Variants in CHST9 observed in about 807,000 individuals in gnomAD.
CHST9 encodes GalNAc-4-sulfotransferase 2.
In CHST9, 41 loss-of-function variants were observed where a neutral mutation model predicts 44.4. That is an observed-to-expected ratio of 0.92 (90% CI 0.72 to 1.20). The LOEUF (loss-of-function observed/expected upper bound fraction) is 1.20, where lower values mean the gene tolerates loss of function less well. Ranked by LOEUF, CHST9 falls within the 50% of genes most tolerant of loss-of-function variation. The probability of loss-of-function intolerance (pLI) is 0.00; values close to 1 mark genes in which losing one functional copy is unlikely to be tolerated. For missense variants in CHST9, 504 were observed against 516.5 expected, an observed-to-expected ratio of 0.98 and a Z score of 0.23; for synonymous variants, 171 against 178.4, an observed-to-expected ratio of 0.96 and a Z score of 0.33.
At chr18:27,028,176 A>T (rs2057302870) in intron 3 of CHST9, among the ~76,000 whole-genome samples, 1 of 152,054 alleles carries the variant, frequency 6.6e-6, no homozygotes, top group African/African-American at 2.4e-5. Flanking sequence ...AGCCTCCCAA[A>T]GTGCTGGGAT....
intron 1 of CHST9, among the ~76,000 whole-genome samples, chr18:27,172,583 T>C (rs1439894324): frequency 6.6e-6 from 1 of 152,058 alleles, no homozygotes; most frequent in African/African-American, 2.4e-5. Context: ...AAGTTTAAAC[T>C]GATTACTAAT....
intron 2 of CHST9, among the ~76,000 whole-genome samples, chr18:27,069,513 A>G (rs1214652447): frequency 1.3e-5 from 2 of 152,214 alleles, no homozygotes; most frequent in African/African-American, 4.8e-5. Flanking sequence ...TCTTCTTCCT[A>G]TACTCATATT....
chr18:27,093,859 C>T (rs1192389777), intron 2 of CHST9, among the ~76,000 whole-genome samples: 3 of 147,380 alleles, frequency 2.0e-5, no homozygotes, highest in African/African-American at 7.6e-5. Flanking sequence ...CATAGCTGTT[C>T]CTCTTCAGCC....
At chr18:27,046,779 C>A (rs1598668447) in intron 3 of CHST9, among the ~76,000 whole-genome samples, 1 of 152,028 alleles carries the variant, frequency 6.6e-6, no homozygotes, top group Non-Finnish European at 1.5e-5. Flanking sequence ...TTAGGAGCCC[C>A]CTAACATTCC....
At chr18:27,054,510 G>C (rs1374297972) in intron 2 of CHST9, among the ~76,000 whole-genome samples, 1 of 152,114 alleles carries the variant, frequency 6.6e-6, no homozygotes, top group Non-Finnish European at 1.5e-5. Flanking sequence ...GAACACTAAA[G>C]TTCCGCATCT....
At chr18:27,175,675 T>G (rs545980110) in intron 1 of CHST9, among the ~76,000 whole-genome samples, 4 of 152,172 alleles carry the variant, frequency 2.6e-5, no homozygotes, top group Non-Finnish European at 5.9e-5. Context: ...TGTTTGCATA[T>G]GGCACATGTG....
chr18:26,941,879 G>A (rs2145111816), intron 5 of CHST9, among the ~76,000 whole-genome samples: 1 of 152,296 alleles, frequency 6.6e-6, no homozygotes. Context: ...AGCACAGGCT[G>A]GATATTGGCC....
At chr18:26,975,761 A>T (rs1471049985) in intron 4 of CHST9, among the ~76,000 whole-genome samples, 1 of 98,986 alleles carries the variant, frequency 1.0e-5, no homozygotes, top group African/African-American at 4.0e-5. Flanking sequence ...ATATATATAT[A>T]TATAACATTT....
intron 2 of CHST9, among the ~76,000 whole-genome samples, chr18:27,060,209 A>G (rs2057705299): frequency 6.6e-6 from 1 of 152,180 alleles, no homozygotes; most frequent in Admixed American, 6.5e-5. Flanking sequence ...GTCAAGGTTC[A>G]GGGAGGGGCC....
In CHST9 at chr18:26,916,597, CT is replaced by C. The variant is rs755666392; in HGVS notation, c.993del (p.Glu332SerfsTer13). 6.2e-7 allele frequency: 1 copy of C among 1,613,842 alleles called. No individual in the cohort carries two copies. The highest frequency in any genetic ancestry group is 8.5e-7 in the Non-Finnish European group (1 of 1,179,790). ...GAATCCAGCAAGTAGTGGATAAACT[CT>C]TTGAACTTGACTCCAGATCCATTAA... ...ALINGSGVKF[K>X]EFIHYLLDSH... On this transcript the variant is annotated frameshift_variant, in exon 6 of 6. Transcript: ENST00000618847. LOFTEE classifies it high-confidence loss of function.
chr18:26,960,728 T>C (rs1349456737), intron 4 of CHST9, among the ~76,000 whole-genome samples: 1 of 152,194 alleles, frequency 6.6e-6, no homozygotes, highest in Non-Finnish European at 1.5e-5. Context: ...CAGGAGTTAG[T>C]GGTGCGATCA....
At chr18:27,183,581 T>G (rs1269369669) in intron 1 of CHST9, among the ~76,000 whole-genome samples, 1 of 152,154 alleles carries the variant, frequency 6.6e-6, no homozygotes, top group Non-Finnish European at 1.5e-5. Flanking sequence ...TCTGGGGGCA[T>G]TCAGTGTGTG....
intron 2 of CHST9, among the ~76,000 whole-genome samples, chr18:27,063,198 A>G (rs2057745430): frequency 1.3e-5 from 2 of 152,218 alleles, no homozygotes; most frequent in Non-Finnish European, 2.9e-5. Context: ...CTTGCCCAAG[A>G]TTACCCAGTA....
chr18:27,038,588 G>C (rs1384903082), intron 3 of CHST9, among the ~76,000 whole-genome samples: 1 of 152,072 alleles, frequency 6.6e-6, no homozygotes, highest in Non-Finnish European at 1.5e-5. Context: ...TGTCCACTAT[G>C]GTAGCTGCTG....
At chr18:27,084,471 T>C (rs1351589295) in intron 2 of CHST9, among the ~76,000 whole-genome samples, 1 of 150,928 alleles carries the variant, frequency 6.6e-6, no homozygotes, top group African/African-American at 2.4e-5. Context: ...TTTTTTTTTT[T>C]ATTTCTGTGG....
intron 4 of CHST9, among the ~76,000 whole-genome samples, chr18:26,995,520 C>T (rs370519550): frequency 6.3e-4 from 95 of 151,764 alleles, no homozygotes; most frequent in African/African-American, 2.1e-3. Context: ...GCTGGATTCC[C>T]GACCCACAGA....
chr18:27,118,410 T>C (rs79104879), intron 2 of CHST9, among the ~76,000 whole-genome samples: 2 of 58,806 alleles, frequency 3.4e-5, no homozygotes, highest in African/African-American at 1.1e-4. Context: ...AGCTTATCAA[T>C]TACTTCTCCC....
At chr18:26,993,648 A>C (rs2056850854) in intron 4 of CHST9, among the ~76,000 whole-genome samples, 5 of 152,254 alleles carry the variant, frequency 3.3e-5, no homozygotes, top group Admixed American at 3.3e-4. Context: ...TATTCGATTT[A>C]ATTGTTTTTA....
At position 26,907,896 on chromosome 18, in the gene CHST9, C is replaced by T. The variant is rs112362300; in HGVS notation, c.*8363G>A. The T allele has an allele frequency of 1.2e-3, 209 of 180,636 alleles. 5 individuals are homozygous for T. Among genetic ancestry groups the T allele is most frequent in the African/African-American group, 4.7e-3 (197 of 42,276 alleles). 11.2% of individuals were successfully genotyped at this position (180,636 alleles called of 1,614,324 possible). On this transcript the variant is annotated 3_prime_UTR_variant, in exon 6 of 6. Transcript: ENST00000618847. ...TGAGGACATTATGCTAAGAGAAATACGCCAGTCACAAAAAGACACATGCTG... is the reference window on the plus strand; with the variant it reads ...TGAGGACATTATGCTAAGAGAAATATGCCAGTCACAAAAAGACACATGCTG...
Sources: gnomAD v4.1 joint callset for allele counts (sites outside exome capture counted in the v4.1 genomes callset) on GRCh38, gnomAD v4.1.1 for gene constraint, MANE v1.5 for transcripts, NCBI Gene and HGNC (gene_info 2026-07-23, HGNC 2026-07-21) for gene names.